SH2D4B: variants seen among roughly 807,000 people sequenced by gnomAD.
The protein encoded by SH2D4B is SH2 domain-containing protein 4B.
Under a neutral mutation model 61.5 loss-of-function variants are expected in SH2D4B, and 45 were observed. The ratio of observed to expected loss-of-function variants is 0.73; its 90% CI spans 0.58 to 0.94. The LOEUF (loss-of-function observed/expected upper bound fraction) is 0.94. Among genes scored for constraint, SH2D4B ranks in the 40% least tolerant of loss-of-function variants. The pLI, the probability that SH2D4B is intolerant of heterozygous loss-of-function variation, is 0.00. For missense variants in SH2D4B, 572 were observed against 574.2 expected (o/e 1.00, Z 0.04); for synonymous variants, 224 against 220.4 (o/e 1.02, Z -0.14).
intron 4 of SH2D4B, among the ~76,000 whole-genome samples, chr10:80,592,253 A>C (rs1428122515): frequency 6.6e-6 from 1 of 152,148 alleles, no homozygotes; most frequent in Non-Finnish European, 1.5e-5. Flanking sequence ...GAGTTGCCAG[A>C]GTTCACTATA....
intron 3 of SH2D4B, among the ~76,000 whole-genome samples, chr10:80,573,447 A>G (rs888095480): frequency 6.6e-6 from 1 of 152,188 alleles, no homozygotes; most frequent in African/African-American, 2.4e-5. Context: ...ACAAGCTTAT[A>G]AAAATCTACA....
At chr10:80,641,107 G>A (rs1451493113) in intron 7 of SH2D4B, among the ~76,000 whole-genome samples, 1 of 152,212 alleles carries the variant, frequency 6.6e-6, no homozygotes, top group African/African-American at 2.4e-5. Flanking sequence ...CTTTGCCTGG[G>A]TATCACCAGC....
At chr10:80,586,956 T>C (rs1019949306) in intron 3 of SH2D4B, among the ~76,000 whole-genome samples, 3 of 151,766 alleles carry the variant, frequency 2.0e-5, no homozygotes, top group Admixed American at 2.0e-4. Context: ...GCAGCTTCAC[T>C]CCTGAGCCAG....
At chr10:80,617,100 C>T (rs1842669863) in intron 6 of SH2D4B, among the ~76,000 whole-genome samples, 1 of 152,254 alleles carries the variant, frequency 6.6e-6, no homozygotes, top group South Asian at 2.1e-4. Flanking sequence ...AGAATCCATG[C>T]TCTTACCTGT....
chr10:80,572,966 ATATATATATATATATATATATTTTTTTT>A (rs1842072035), intron 3 of SH2D4B, among the ~76,000 whole-genome samples: 1 of 6,128 alleles, frequency 1.6e-4, no homozygotes, highest in African/African-American at 8.2e-4. Context: ...ATATATATAT[ATATATATATATATATATATATTTTTTTT>A]TTTTTTTTTT....
chr10:80,563,193 G>GC (rs1355553681), intron 1 of SH2D4B, among the ~76,000 whole-genome samples: 2 of 152,062 alleles, frequency 1.3e-5, no homozygotes, highest in African/African-American at 2.4e-5. Flanking sequence ...GAGCCACCGC[G>GC]CCCGGCCGAT....
chr10:80,590,274 G>A (rs1842311382), intron 4 of SH2D4B, among the ~76,000 whole-genome samples: 1 of 152,202 alleles, frequency 6.6e-6, no homozygotes, highest in South Asian at 2.1e-4. Context: ...TGGCAGTGGG[G>A]TGATTAAGGC....
Position 80,586,806 on chromosome 10 carries a change from G to A in SH2D4B, c.496-1824G>A, listed in dbSNP as rs192638082. Among the ~76,000 whole-genome samples the A allele has an allele frequency of 8.1e-4, 123 of 152,214 alleles. 1 individual carries two copies. Among genetic ancestry groups the A allele is most frequent in the African/African-American group, 2.7e-3 (113 of 41,528 alleles). On this transcript the variant is annotated intron_variant, in intron 3 of 7. Coordinates refer to ENST00000646907, the MANE Select transcript of SH2D4B (RefSeq NM_001388272.1). ...GCTGCTGCTCACTCTTTGGTTCCAC[G>A]CTGCCTTTATGAGCTGTAACACTCA...
chr10:80,635,548 G>A (rs533405515), intron 7 of SH2D4B, among the ~76,000 whole-genome samples: 4 of 152,272 alleles, frequency 2.6e-5, no homozygotes, highest in Admixed American at 2.6e-4. Flanking sequence ...TAATACACAT[G>A]GAGAATCACC....
At chr10:80,589,829 T>G (rs1405743963) in intron 4 of SH2D4B, among the ~76,000 whole-genome samples, 1 of 152,048 alleles carries the variant, frequency 6.6e-6, no homozygotes, top group African/African-American at 2.4e-5. Flanking sequence ...GGCAAAGGCT[T>G]GGTGACAAAG....
At chr10:80,576,503 G>A (rs1842126729) in intron 3 of SH2D4B, among the ~76,000 whole-genome samples, 1 of 152,188 alleles carries the variant, frequency 6.6e-6, no homozygotes, top group Admixed American at 6.5e-5. Flanking sequence ...AATGGTCCAG[G>A]TTCATGAGCT....
At chr10:80,564,513 T>C (rs543108465) in intron 1 of SH2D4B, among the ~76,000 whole-genome samples, 2 of 152,194 alleles carry the variant, frequency 1.3e-5, no homozygotes, top group Non-Finnish European at 2.9e-5. Context: ...CTCCTTTGGG[T>C]CCTCCTCCTC....
chr10:80,638,930 TA>T (rs1840239570), intron 7 of SH2D4B, among the ~76,000 whole-genome samples: 1 of 152,256 alleles, frequency 6.6e-6, no homozygotes, highest in Non-Finnish European at 1.5e-5. Flanking sequence ...TTTAGTGCTA[TA>T]AATTTCCCTC....
chr10:80,638,192 A>T (rs1840222418), intron 7 of SH2D4B, among the ~76,000 whole-genome samples: 1 of 152,162 alleles, frequency 6.6e-6, no homozygotes, highest in Non-Finnish European at 1.5e-5. Context: ...GTTTGCCAGT[A>T]TTTTATTGAG....
At chr10:80,613,968 T>C (rs1264008668) in intron 6 of SH2D4B, among the ~76,000 whole-genome samples, 3 of 152,126 alleles carry the variant, frequency 2.0e-5, no homozygotes, top group Admixed American at 2.0e-4. Flanking sequence ...GAAGGAAATA[T>C]AAATCACAGA....
chr10:80,599,440 G>T (rs1435243366), intron 4 of SH2D4B, among the ~76,000 whole-genome samples: 1 of 152,294 alleles, frequency 6.6e-6, no homozygotes, highest in East Asian at 1.9e-4. Context: ...CCATGTGGCC[G>T]ATTAGTGTCC....
At chr10:80,542,716 G>C (rs1283264881) in intron 1 of SH2D4B, among the ~76,000 whole-genome samples, 1 of 152,050 alleles carries the variant, frequency 6.6e-6, no homozygotes, top group East Asian at 1.9e-4. Flanking sequence ...TATCTTGATT[G>C]ACAGTTTCTG....
At chr10:80,606,703 T>C (rs1193844130) in intron 5 of SH2D4B, among the ~76,000 whole-genome samples, 1 of 152,180 alleles carries the variant, frequency 6.6e-6, no homozygotes. Context: ...AGAAAATTCC[T>C]GAAAATTTAA....
At chr10:80,619,642 C>T (rs1251614391) in intron 6 of SH2D4B, among the ~76,000 whole-genome samples, 4 of 152,264 alleles carry the variant, frequency 2.6e-5, no homozygotes, top group Non-Finnish European at 5.9e-5. Flanking sequence ...GTGGTCCTAT[C>T]ATCCATTGTC....
Sources: allele counts gnomAD v4.1 joint callset (sites outside exome capture counted in the v4.1 genomes callset), GRCh38; gene constraint gnomAD v4.1.1; transcripts MANE v1.5; gene names NCBI Gene and HGNC (gene_info 2026-07-23, HGNC 2026-07-21).